ZNF565: variants seen among roughly 807,000 people sequenced by gnomAD.
The protein encoded by ZNF565 is zinc finger protein 565.
ZNF565 carries 27 observed loss-of-function variants against 39.4 expected under a neutral mutation model. That is an observed-to-expected ratio of 0.69 (90% CI 0.51 to 0.95). ZNF565 has a LOEUF of 0.95. Ranked by LOEUF, ZNF565 falls within the 40% of genes least tolerant of loss-of-function variation. ZNF565 has a pLI of 0.00. For missense variants in ZNF565, 524 were observed against 621.1 expected (o/e 0.84, Z 1.66); for synonymous variants, 185 against 216.6 (o/e 0.85, Z 1.28).
chr19:36,240,960 G>A (rs74316821), intron 1 of ZNF565, among the ~76,000 whole-genome samples: 4,766 of 152,170 alleles, frequency 0.031, 218 homozygotes, highest in African/African-American at 0.11. Flanking sequence ...CCCACTTGCT[G>A]TCTCTTGTCT....
chr19:36,222,887 A>G (rs1230544704), intron 1 of ZNF565, among the ~76,000 whole-genome samples: 1 of 132,224 alleles, frequency 7.6e-6, no homozygotes, highest in African/African-American at 2.6e-5. Flanking sequence ...TAATTTAGTA[A>G]TAATAGTTTC....
chr19:36,192,209 G>C (rs564972182), intron 4 of ZNF565, among the ~76,000 whole-genome samples: 1 of 151,498 alleles, frequency 6.6e-6, no homozygotes, highest in Non-Finnish European at 1.5e-5. Context: ...GGCTGGTCTC[G>C]AACTGCTGAC....
chr19:36,228,158 CAAAAAAAA>C (rs71171422), intron 1 of ZNF565, among the ~76,000 whole-genome samples: 1 of 106,644 alleles, frequency 9.4e-6, no homozygotes, highest in Non-Finnish European at 1.8e-5. Context: ...GAAACTGTCT[CAAAAAAAA>C]AAAAAAAAAA....
intron 3 of ZNF565, 86 bp downstream of exon 3, chr19:36,194,944 T>G (rs750266207): frequency 1.9e-6 from 3 of 1,597,014 alleles, no homozygotes; most frequent in Non-Finnish European, 8.6e-7. Context: ...TCCTCACCCA[T>G]TTAGGCAGAG....
intron 1 of ZNF565, among the ~76,000 whole-genome samples, chr19:36,225,966 GC>G (rs1401472043): frequency 2.0e-5 from 3 of 151,776 alleles, no homozygotes; most frequent in African/African-American, 7.3e-5. Context: ...ATGGGGTCTT[GC>G]CATGTTGCCT....
At chr19:36,222,267 T>C (rs1976879950) in intron 1 of ZNF565, among the ~76,000 whole-genome samples, 1 of 152,210 alleles carries the variant, frequency 6.6e-6, no homozygotes, top group South Asian at 2.1e-4. Context: ...AAATTTTTTT[T>C]TCAGCTGCTG....
At chr19:36,227,445 G>T (rs574320572) in intron 1 of ZNF565, among the ~76,000 whole-genome samples, 2 of 151,450 alleles carry the variant, frequency 1.3e-5, no homozygotes, top group African/African-American at 2.4e-5. Flanking sequence ...CTATTCATAG[G>T]CATGATCATG....
At chr19:36,228,769 G>A (rs1170097587) in intron 1 of ZNF565, 1 of 152,254 alleles carries the variant, frequency 6.6e-6, no homozygotes, top group Non-Finnish European at 1.5e-5. Context: ...CTCTGTTGAA[G>A]CAAGAAGACA....
At position 36,232,599 on chromosome 19, in the gene ZNF565, T is replaced by C. The variant is rs140042685; in HGVS notation, c.55+12877A>G. Among the ~76,000 whole-genome samples, 50 of 141,626 alleles carry C rather than the reference T, an allele frequency of 3.5e-4. No individual in the cohort carries two copies. The East Asian group carries it at 9.7e-3, about 27-fold the overall frequency. 92.9% of individuals were successfully genotyped at this position (141,626 alleles called of 152,430 possible). On this transcript the variant is annotated intron_variant, in intron 1 of 4. Transcript: ENST00000355114. ...GTGTGGAAATACTGATCAGTTCTTT[T>C]TTCTTTTTTCTTTTTTTTTTTTTTC...
At chr19:36,240,639 C>T (rs1050484612) in intron 1 of ZNF565, among the ~76,000 whole-genome samples, 14 of 152,096 alleles carry the variant, frequency 9.2e-5, no homozygotes, top group South Asian at 8.3e-4. Flanking sequence ...GAGGCCGAGG[C>T]GGGTGGATCA....
In ZNF565 at chr19:36,192,708, G is replaced by T. The variant is rs192587692; in HGVS notation, c.232+1525C>A. ...GTAGAGATGGGGTTTTACCATGTTG[G>T]CCAGGCTGGTCTTGAACTCCTGGCT... On this transcript the variant is annotated intron_variant, in intron 4 of 4. Transcript: ENST00000304116. Among the ~76,000 whole-genome samples the T allele has an allele frequency of 2.3e-4, 35 of 151,992 alleles. No homozygotes were observed. The East Asian group carries it at 6.3e-3, about 27-fold the overall frequency.
At position 36,182,443 on chromosome 19, in the gene ZNF565, T is replaced by G; in HGVS notation, c.*23A>C. The stretch of plus-strand genomic sequence containing the variant: ...GTGAACTCCACATAAAGGCTTATCT[T>G]TATCCCTTACACTCAAGGCTTTCTA... On this transcript the variant is annotated 3_prime_UTR_variant, in exon 5 of 5. Coordinates refer to ENST00000304116, the MANE Select transcript of ZNF565 (RefSeq NM_152477.5). 1 of 1,532,194 alleles carries G rather than the reference T, an allele frequency of 6.5e-7. No individual in the cohort carries two copies. The highest frequency in any genetic ancestry group is 8.8e-7 in the Non-Finnish European group (1 of 1,142,112). The allele number at this position is 1,532,194 out of a possible 1,614,324, so 94.9% of individuals were successfully genotyped here.
intron 4 of ZNF565, among the ~76,000 whole-genome samples, chr19:36,185,429 AAAG>A (rs1375243228): frequency 6.6e-6 from 1 of 151,682 alleles, no homozygotes; most frequent in Non-Finnish European, 1.5e-5. Context: ...AAAAAAAAAA[AAAG>A]AATTACAAAC....
At chr19:36,242,554 C>T (rs528000114) in intron 1 of ZNF565, among the ~76,000 whole-genome samples, 5 of 152,070 alleles carry the variant, frequency 3.3e-5, no homozygotes, top group Admixed American at 2.0e-4. Flanking sequence ...TGGTGAAACC[C>T]GTCTCTACTA....
intron 4 of ZNF565, 71 bp from the exon 5 acceptor site, chr19:36,183,804 A>G: frequency 7.1e-7 from 1 of 1,409,838 alleles, no homozygotes; most frequent in Non-Finnish European, 9.6e-7. Context: ...TCTATAGTAG[A>G]GGCCAGGCAC....
Position 36,229,088 on chromosome 19 carries a change from TCTC to T in ZNF565, c.55+16385_55+16387del, listed in dbSNP as rs1977207436. Among the ~76,000 whole-genome samples the T allele has an allele frequency of 1.2e-4, 18 of 152,342 alleles. No homozygotes were observed. In the South Asian group the frequency reaches 3.5e-3, roughly 30 times the overall value. On this transcript the variant is annotated intron_variant, in intron 1 of 4. Coordinates refer to the ZNF565 transcript ENST00000355114. Reference sequence around the variant, plus strand: ...TCTGTGCCGCCACTGTGGTGGCTGTTCTCCTTCATCCACATACCTTTTCCTGTC... The same window carrying T: ...TCTGTGCCGCCACTGTGGTGGCTGTTCTTCATCCACATACCTTTTCCTGTC...
At chr19:36,226,758 T>C (rs1398599554) in intron 1 of ZNF565, among the ~76,000 whole-genome samples, 2 of 152,214 alleles carry the variant, frequency 1.3e-5, no homozygotes, top group African/African-American at 2.4e-5. Flanking sequence ...TCAAATTTGG[T>C]CAGTCATCCC....
At chr19:36,222,511 C>T (rs904653228) in intron 1 of ZNF565, among the ~76,000 whole-genome samples, 4 of 152,196 alleles carry the variant, frequency 2.6e-5, no homozygotes, top group African/African-American at 9.7e-5. Flanking sequence ...TGTGCGAGAG[C>T]GTCTTCCCCT....
At chr19:36,244,025 T>C (rs1434897358) in intron 1 of ZNF565, among the ~76,000 whole-genome samples, 1 of 152,162 alleles carries the variant, frequency 6.6e-6, no homozygotes, top group South Asian at 2.1e-4. Context: ...GTTTTTCTTC[T>C]TTTCTCTACT....
Sources: gnomAD v4.1 joint callset for allele counts (sites outside exome capture counted in the v4.1 genomes callset) on GRCh38, gnomAD v4.1.1 for gene constraint, MANE v1.5 for transcripts, NCBI Gene and HGNC (gene_info 2026-07-23, HGNC 2026-07-21) for gene names.